The following RCAN2 variants were observed in gnomAD, a reference collection of about 807,000 sequenced individuals.
The protein encoded by RCAN2 is calcipressin-2.
A neutral mutation model predicts 23.6 loss-of-function variants in RCAN2; 9 were observed. The observed-to-expected ratio is 0.38, with a 90% confidence interval of 0.23 to 0.67. The LOEUF (loss-of-function observed/expected upper bound fraction) is 0.67, where lower values mean the gene tolerates loss of function less well. RCAN2 is among the 30% of genes least tolerant of loss of function. The pLI, the probability that RCAN2 is intolerant of heterozygous loss-of-function variation, is 0.51. For missense variants in RCAN2, 273 were observed against 302.3 expected (o/e 0.90, Z 0.72); for synonymous variants, 109 against 115.7 (o/e 0.94, Z 0.37).
intron 2 of RCAN2, among the ~76,000 whole-genome samples, chr6:46,442,536 T>C (rs1489366426): frequency 6.6e-6 from 1 of 152,202 alleles, no homozygotes; most frequent in African/African-American, 2.4e-5. Flanking sequence ...AGTCACTGTA[T>C]AGACTAGAAG....
intron 1 of RCAN2, among the ~76,000 whole-genome samples, chr6:46,476,900 C>T (rs1381531222): frequency 6.6e-6 from 1 of 152,162 alleles, no homozygotes; most frequent in Non-Finnish European, 1.5e-5. Flanking sequence ...GGTCCCCCAA[C>T]TCTGACCTCA....
At chr6:46,450,931 G>A (rs914570210) in intron 2 of RCAN2, among the ~76,000 whole-genome samples, 6 of 151,870 alleles carry the variant, frequency 4.0e-5, no homozygotes, top group East Asian at 3.9e-4. Flanking sequence ...TTCTCCCCAC[G>A]AAAAAGTAAT....
chr6:46,447,278 G>A (rs1003938866), intron 2 of RCAN2, among the ~76,000 whole-genome samples: 9 of 151,744 alleles, frequency 5.9e-5, no homozygotes, highest in Admixed American at 2.6e-4. Flanking sequence ...TGATAATAAC[G>A]GTTGTAAATA....
At chr6:46,445,175 C>A (rs1287826262) in intron 2 of RCAN2, among the ~76,000 whole-genome samples, 1 of 152,174 alleles carries the variant, frequency 6.6e-6, no homozygotes, top group Admixed American at 6.5e-5. Context: ...CTCTATAAAC[C>A]CAGGCTTCAG....
intron 4 of RCAN2, among the ~76,000 whole-genome samples, chr6:46,225,695 A>G (rs1765640635): frequency 6.6e-6 from 1 of 152,156 alleles, no homozygotes; most frequent in South Asian, 2.1e-4. Flanking sequence ...GCCCTTTGTC[A>G]CATGGGTAGA....
At position 46,491,159 on chromosome 6, in the gene RCAN2, G is replaced by C. The variant is rs1769133552; in HGVS notation, c.-3+14C>G. ...TGCCTGGGCGAGCCTGGCCGGCGCG[G>C]TTACATAACCGACCTGCTGGGCGTC... On this transcript the variant is annotated intron_variant, in intron 1 of 4. Transcript: ENST00000371374. 1 of 151,664 alleles carries C rather than the reference G, an allele frequency of 6.6e-6. No homozygotes were observed. The highest frequency in any genetic ancestry group is 2.0e-4 in the South Asian group (1 of 5,124). The allele number at this position is 151,664 out of a possible 1,614,324, so 9.4% of individuals were successfully genotyped here.
intron 2 of RCAN2, among the ~76,000 whole-genome samples, chr6:46,314,522 C>CAA (rs879443019): frequency 3.5e-5 from 5 of 141,808 alleles, no homozygotes; most frequent in African/African-American, 1.3e-4. Flanking sequence ...AAACAAAAAA[C>CAA]AAAAAAAAAA....
chr6:46,305,133 G>C (rs1763022170), intron 2 of RCAN2, among the ~76,000 whole-genome samples: 1 of 152,056 alleles, frequency 6.6e-6, no homozygotes, highest in Non-Finnish European at 1.5e-5. Flanking sequence ...CTTCACATCA[G>C]TGCCTGGCTC....
chr6:46,483,361 T>C (rs1276868534), intron 1 of RCAN2, among the ~76,000 whole-genome samples: 1 of 152,176 alleles, frequency 6.6e-6, no homozygotes, highest in African/African-American at 2.4e-5. Flanking sequence ...ACGTAGGGGC[T>C]ATGATAGCCC....
At chr6:46,305,136 C>G (rs1276268891) in intron 2 of RCAN2, among the ~76,000 whole-genome samples, 1 of 152,080 alleles carries the variant, frequency 6.6e-6, no homozygotes, top group South Asian at 2.1e-4. Context: ...CACATCAGTG[C>G]CTGGCTCCTT....
chr6:46,407,621 A>C (rs1158367769), intron 2 of RCAN2, among the ~76,000 whole-genome samples: 1 of 152,230 alleles, frequency 6.6e-6, no homozygotes, highest in Non-Finnish European at 1.5e-5. Flanking sequence ...GGTGGTAAAA[A>C]TATAGGTAGA....
intron 2 of RCAN2, among the ~76,000 whole-genome samples, chr6:46,262,495 C>T (rs1767143648): frequency 6.6e-6 from 1 of 152,046 alleles, no homozygotes; most frequent in African/African-American, 2.4e-5. Flanking sequence ...GTAGCTCATG[C>T]TTGTAATCCT....
At chr6:46,265,561 T>C (rs1304934448) in intron 2 of RCAN2, among the ~76,000 whole-genome samples, 1 of 152,186 alleles carries the variant, frequency 6.6e-6, no homozygotes, top group East Asian at 1.9e-4. Context: ...CAGGACTGTC[T>C]TGGGCACACT....
At chr6:46,340,777 T>C (rs1010485432) in intron 2 of RCAN2, among the ~76,000 whole-genome samples, 4 of 152,218 alleles carry the variant, frequency 2.6e-5, no homozygotes, top group Non-Finnish European at 5.9e-5. Flanking sequence ...TGTGTGTGTG[T>C]TGAAGTGTAT....
chr6:46,424,461 G>A (rs1435333089), intron 2 of RCAN2, among the ~76,000 whole-genome samples: 1 of 152,102 alleles, frequency 6.6e-6, no homozygotes, highest in African/African-American at 2.4e-5. Context: ...CCTTTGTCAT[G>A]GACTCAGTTT....
chr6:46,291,395 A>T (rs1762557852), intron 2 of RCAN2, among the ~76,000 whole-genome samples: 1 of 151,668 alleles, frequency 6.6e-6, no homozygotes, highest in South Asian at 2.1e-4. Context: ...GCTGAGTGAC[A>T]AGTGTGTGAA....
At chr6:46,360,590 C>T (rs1400523306) in intron 2 of RCAN2, among the ~76,000 whole-genome samples, 19 of 116,130 alleles carry the variant, frequency 1.6e-4, no homozygotes, top group Admixed American at 5.0e-4. Context: ...GAGAGGGAGA[C>T]AAAAAATCTT....
At chr6:46,487,957 C>G (rs73457929) in intron 1 of RCAN2, among the ~76,000 whole-genome samples, 1 of 152,126 alleles carries the variant, frequency 6.6e-6, no homozygotes, top group African/African-American at 2.4e-5. Flanking sequence ...AGCATCTAAC[C>G]GACCTCTTGT....
intron 2 of RCAN2, among the ~76,000 whole-genome samples, chr6:46,363,156 C>G (rs1765065869): frequency 6.6e-6 from 1 of 152,234 alleles, no homozygotes; most frequent in Non-Finnish European, 1.5e-5. Flanking sequence ...AAGCCATCAC[C>G]TTTTCTGGTG....
Sources: gnomAD v4.1 joint callset for allele counts (sites outside exome capture counted in the v4.1 genomes callset) on GRCh38, gnomAD v4.1.1 for gene constraint, MANE v1.5 for transcripts, NCBI Gene and HGNC (gene_info 2026-07-23, HGNC 2026-07-21) for gene names.